KIAA1549L: variants seen among roughly 807,000 people sequenced by gnomAD.
KIAA1549L encodes the protein KIAA1549 like, also known as UPF0606 protein KIAA1549L.
A neutral mutation model predicts 160.7 loss-of-function variants in KIAA1549L; 88 were observed. That is an observed-to-expected ratio of 0.55 (90% CI 0.46 to 0.65). The LOEUF (loss-of-function observed/expected upper bound fraction) is 0.65. Among genes scored for constraint, KIAA1549L ranks in the 30% least tolerant of loss-of-function variants. The pLI is 0.00. For synonymous variants in KIAA1549L, 950 were observed against 976.7 expected (o/e 0.97, Z 0.51); for missense variants, 2,258 against 2,437.5 (o/e 0.93, Z 1.55).
At chr11:33,628,893 C>G (rs1473493371) in intron 16 of KIAA1549L, among the ~76,000 whole-genome samples, 1 of 151,926 alleles carries the variant, frequency 6.6e-6, no homozygotes, top group African/African-American at 2.4e-5. Flanking sequence ...ATGGTCCTTA[C>G]ATTTTGGCAT....
chr11:33,545,848 T>TA (rs1159130090), intron 3 of KIAA1549L, among the ~76,000 whole-genome samples: 1 of 152,246 alleles, frequency 6.6e-6, no homozygotes, highest in Non-Finnish European at 1.5e-5. Context: ...ATGTGGTTTG[T>TA]AAGATACAAC....
At chr11:33,611,236 C>T (rs1038820487) in intron 15 of KIAA1549L, among the ~76,000 whole-genome samples, 6 of 152,194 alleles carry the variant, frequency 3.9e-5, no homozygotes, top group Non-Finnish European at 8.8e-5. Context: ...TGGTGACTTC[C>T]CTCTGGCCTT....
intron 12 of KIAA1549L, among the ~76,000 whole-genome samples, chr11:33,593,835 G>A (rs1329236613): frequency 1.3e-5 from 2 of 152,156 alleles, no homozygotes; most frequent in Non-Finnish European, 2.9e-5. Context: ...CTGGAGTTTA[G>A]AGGAGTGGTC....
Position 33,545,054 on chromosome 11 carries a change from A to C in KIAA1549L, c.3061A>C (p.Thr1021Pro), listed in dbSNP as rs768220156. 1.2e-6 allele frequency: 2 copies of C among 1,614,042 alleles called. No homozygotes were observed. Among genetic ancestry groups the C allele is most frequent in the Non-Finnish European group, 1.7e-6 (2 of 1,179,886 alleles). Residue 1021 changes from threonine to proline, a missense_variant, in exon 3 of 21, where the codon ACA becomes CCA. Thr to Pro is a conservative substitution (Grantham distance 38). Coordinates refer to ENST00000658780, the MANE Select transcript of KIAA1549L (RefSeq NM_012194.3). Reference sequence around the variant, plus strand: ...TGCAAGAACAGGACATACCACGAGCACACATACAGCCATGCAAGGAAACAT... The same window carrying C: ...TGCAAGAACAGGACATACCACGAGCCCACATACAGCCATGCAAGGAAACAT... ...MYARTGHTTSTHTAMQGNMDT... is the reference protein window; with the variant it reads ...MYARTGHTTSPHTAMQGNMDT...
At chr11:33,603,230 G>A (rs1485277189) in intron 13 of KIAA1549L, among the ~76,000 whole-genome samples, 2 of 100,822 alleles carry the variant, frequency 2.0e-5, no homozygotes, top group African/African-American at 5.8e-5. Flanking sequence ...ATAGGCATTA[G>A]TCTTTAAAAA....
At position 33,409,766 on chromosome 11, in the gene KIAA1549L, C is replaced by CT. The variant is rs34301559; in HGVS notation, c.238+32895dup. ...TTGCTTTTCTTATGTGTTCTCACCT[C>CT]TTTTTTTTTTTTTTTTTTCCTGCCT... On this transcript the variant is annotated intron_variant, in intron 1 of 20. Coordinates refer to ENST00000658780, the MANE Select transcript of KIAA1549L (RefSeq NM_012194.3). Among the ~76,000 whole-genome samples the CT allele has an allele frequency of 8.0e-3, 1,055 of 132,148 alleles. 6 individuals carry two copies. Among genetic ancestry groups the CT allele is most frequent in the African/African-American group, 0.01 (359 of 35,356 alleles). 86.7% of individuals were successfully genotyped at this position (132,148 alleles called of 152,430 possible). A position where few individuals can be genotyped will look rare whatever the true frequency, so the allele number is the denominator to read the frequency against.
intron 1 of KIAA1549L, among the ~76,000 whole-genome samples, chr11:33,513,062 G>GTGTAATCA: frequency 6.6e-6 from 1 of 152,232 alleles, no homozygotes; most frequent in East Asian, 1.9e-4. Flanking sequence ...AAGATACAGG[G>GTGTAATCA]ACAGAGAACA....
intron 6 of KIAA1549L, among the ~76,000 whole-genome samples, chr11:33,559,012 T>G (rs2133213843): frequency 6.6e-6 from 1 of 151,978 alleles, no homozygotes; most frequent in East Asian, 1.9e-4. Context: ...TTTTGTATTT[T>G]TTTTTAGTAG....
chr11:33,440,331 G>A (rs370262646), intron 1 of KIAA1549L, among the ~76,000 whole-genome samples: 8 of 150,260 alleles, frequency 5.3e-5, no homozygotes, highest in East Asian at 3.9e-4. Context: ...GGGTTTCACC[G>A]TTTTTAGCCG....
At chr11:33,404,763 A>T (rs768098623) in intron 1 of KIAA1549L, among the ~76,000 whole-genome samples, 3 of 152,158 alleles carry the variant, frequency 2.0e-5, no homozygotes, top group Non-Finnish European at 4.4e-5. Context: ...TATTCCCAGC[A>T]CTTTGGGAGG....
chr11:33,397,721 C>T (rs1378591235), intron 1 of KIAA1549L, among the ~76,000 whole-genome samples: 1 of 26,948 alleles, frequency 3.7e-5, no homozygotes, highest in Non-Finnish European at 1.2e-4. Context: ...CACACACACA[C>T]ACACACACAC....
In KIAA1549L at chr11:33,668,229, A is replaced by G; in HGVS notation, c.*75A>G. On this transcript the variant is annotated 3_prime_UTR_variant, in exon 21 of 21. Transcript: ENST00000658780. ...TTTGGGTTTCCCATGCCTACGTGTT[A>G]GGACTTGAGACATAGCAATGGGTGA... 7.2e-7 allele frequency: 1 copy of G among 1,391,038 alleles called. No homozygotes were observed. The highest frequency in any genetic ancestry group is 9.9e-7 in the Non-Finnish European group (1 of 1,012,490). 86.2% of individuals were successfully genotyped at this position (1,391,038 alleles called of 1,614,324 possible). A position where few individuals can be genotyped will look rare whatever the true frequency, so the allele number is the denominator to read the frequency against.
At chr11:33,487,454 A>G (rs1345793287) in intron 1 of KIAA1549L, among the ~76,000 whole-genome samples, 1 of 146,050 alleles carries the variant, frequency 6.8e-6, no homozygotes, top group Non-Finnish European at 1.5e-5. Context: ...AGCAGCCAAC[A>G]TCCAGACGGT....
intron 2 of KIAA1549L, 113 bp from the exon 3 acceptor site, chr11:33,544,654 A>G: frequency 1.5e-6 from 2 of 1,367,788 alleles, no homozygotes. Flanking sequence ...CTGCAAGCCC[A>G]GATTGCAGAG....
intron 1 of KIAA1549L, among the ~76,000 whole-genome samples, chr11:33,471,239 T>G (rs1388088634): frequency 6.6e-6 from 1 of 150,530 alleles, no homozygotes; most frequent in East Asian, 2.0e-4. Context: ...TTTTTCAACA[T>G]TCTCAGACTT....
intron 1 of KIAA1549L, among the ~76,000 whole-genome samples, chr11:33,531,404 G>C (rs183116325): frequency 1.3e-5 from 2 of 152,282 alleles, no homozygotes; most frequent in Admixed American, 6.5e-5. Flanking sequence ...GAACATGGGA[G>C]GCGGAGGTTG....
intron 1 of KIAA1549L, among the ~76,000 whole-genome samples, chr11:33,432,581 A>G (rs554366228): frequency 6.6e-6 from 1 of 152,236 alleles, no homozygotes; most frequent in African/African-American, 2.4e-5. Flanking sequence ...TTTTCCTCCT[A>G]TTTCCATGAT....
At chr11:33,467,993 T>A (rs539348851) in intron 1 of KIAA1549L, among the ~76,000 whole-genome samples, 2 of 152,250 alleles carry the variant, frequency 1.3e-5, no homozygotes, top group Non-Finnish European at 2.9e-5. Context: ...TCCCTGCATG[T>A]ATCTACAGCC....
chr11:33,572,974 A>T (rs147462388), intron 9 of KIAA1549L, among the ~76,000 whole-genome samples: 3 of 152,202 alleles, frequency 2.0e-5, no homozygotes, highest in Admixed American at 6.5e-5. Context: ...GTCAGTTCTT[A>T]CTTTAGCCGT....
Sources: gnomAD v4.1 joint callset for allele counts (sites outside exome capture counted in the v4.1 genomes callset) on GRCh38, gnomAD v4.1.1 for gene constraint, MANE v1.5 for transcripts, NCBI Gene and HGNC (gene_info 2026-07-23, HGNC 2026-07-21) for gene names.